Variants in NREP observed in about 807,000 individuals in gnomAD.
The protein encoded by NREP is neuronal regeneration related protein, also known as neuronal regeneration-related protein.
A neutral mutation model predicts 8.6 loss-of-function variants in NREP; 5 were observed. The observed-to-expected ratio is 0.58, with a 90% CI of 0.30 to 1.22. NREP has a LOEUF of 1.22. NREP is among the 50% of genes most tolerant of loss of function. The pLI is 0.07. For missense variants in NREP, 86 were observed against 82.5 expected (o/e 1.04, Z -0.17); for synonymous variants, 27 against 28.0 (o/e 0.96, Z 0.11).
At chr5:111,970,003 T>C (rs1427340470) in intron 2 of NREP, among the ~76,000 whole-genome samples, 1 of 152,224 alleles carries the variant, frequency 6.6e-6, no homozygotes, top group African/African-American at 2.4e-5. Flanking sequence ...GTACAAAATC[T>C]AATAATAGAA....
At chr5:111,879,771 C>G (rs947408286) in intron 2 of NREP, among the ~76,000 whole-genome samples, 1 of 152,184 alleles carries the variant, frequency 6.6e-6, no homozygotes, top group African/African-American at 2.4e-5. Flanking sequence ...GAGTTCCTTC[C>G]TGACTTGCAG....
intron 2 of NREP, among the ~76,000 whole-genome samples, chr5:111,916,746 ATGAGT>A (rs1755070502): frequency 6.6e-6 from 1 of 152,166 alleles, no homozygotes; most frequent in African/African-American, 2.4e-5. Flanking sequence ...TAAGGATTAA[ATGAGT>A]TACTACTTGT....
chr5:111,799,281 A>AT (rs915057140), intron 2 of NREP, among the ~76,000 whole-genome samples: 6 of 151,644 alleles, frequency 4.0e-5, no homozygotes, highest in African/African-American at 1.2e-4. Context: ...TAATTTTAGG[A>AT]TTTTTTTTCT....
chr5:111,834,932 CTACTT>C (rs754218494), intron 2 of NREP, among the ~76,000 whole-genome samples: 1 of 152,144 alleles, frequency 6.6e-6, no homozygotes, highest in Non-Finnish European at 1.5e-5. Context: ...TTACAACTGT[CTACTT>C]TTCTTTGCAC....
chr5:111,873,180 A>T (rs1229531055), intron 2 of NREP, among the ~76,000 whole-genome samples: 1 of 152,190 alleles, frequency 6.6e-6, no homozygotes, highest in African/African-American at 2.4e-5. Context: ...CCATTAAAGG[A>T]TGCTATTATT....
intron 2 of NREP, among the ~76,000 whole-genome samples, chr5:111,826,072 G>T (rs1388462575): frequency 6.6e-6 from 1 of 151,728 alleles, no homozygotes; most frequent in Non-Finnish European, 1.5e-5. Flanking sequence ...TCCTGCTTCA[G>T]TCTCCCAGTG....
chr5:111,745,061 G>C (rs1749917645), intron 2 of NREP, among the ~76,000 whole-genome samples: 1 of 152,042 alleles, frequency 6.6e-6, no homozygotes, highest in South Asian at 2.1e-4. Flanking sequence ...GAAATGCATA[G>C]TACAATCCAC....
At chr5:111,764,709 A>G (rs568429597) in intron 2 of NREP, among the ~76,000 whole-genome samples, 3 of 152,292 alleles carry the variant, frequency 2.0e-5, no homozygotes, top group South Asian at 2.1e-4. Context: ...AAACATAATA[A>G]TAAGGAGGTT....
At chr5:111,877,251 G>T (rs1231676984) in intron 2 of NREP, among the ~76,000 whole-genome samples, 1 of 151,924 alleles carries the variant, frequency 6.6e-6, no homozygotes, top group Non-Finnish European at 1.5e-5. Flanking sequence ...CCCTGTTACC[G>T]CCTGGGTCTC....
chr5:111,779,902 T>C (rs1351689205), intron 2 of NREP, among the ~76,000 whole-genome samples: 1 of 152,108 alleles, frequency 6.6e-6, no homozygotes, highest in Non-Finnish European at 1.5e-5. Flanking sequence ...TTTTTTATTA[T>C]TTTTATTTTT....
intron 2 of NREP, among the ~76,000 whole-genome samples, chr5:111,963,981 TTAA>T (rs1430257001): frequency 9.2e-5 from 14 of 152,176 alleles, no homozygotes; most frequent in Admixed American, 9.2e-4. Flanking sequence ...ATTTTAAAAG[TTAA>T]TAATAATAAT....
At chr5:111,788,386 T>C (rs565364315) in intron 2 of NREP, among the ~76,000 whole-genome samples, 2 of 152,220 alleles carry the variant, frequency 1.3e-5, no homozygotes, top group Non-Finnish European at 2.9e-5. Flanking sequence ...GTGTTTGTAT[T>C]TGTGTGCATA....
chr5:111,866,565 A>G (rs1330263239), intron 2 of NREP, among the ~76,000 whole-genome samples: 6 of 152,200 alleles, frequency 3.9e-5, no homozygotes, highest in African/African-American at 1.2e-4. Flanking sequence ...AACTAGTTCA[A>G]CCATTGTGGA....
chr5:111,887,696 C>A (rs1436126662), intron 2 of NREP, among the ~76,000 whole-genome samples: 2 of 152,174 alleles, frequency 1.3e-5, no homozygotes, highest in Admixed American at 6.5e-5. Context: ...CTGTTCACAT[C>A]CAAATGAAGA....
At chr5:111,961,057 C>G (rs1264486877) in intron 2 of NREP, among the ~76,000 whole-genome samples, 1 of 152,158 alleles carries the variant, frequency 6.6e-6, no homozygotes, top group African/African-American at 2.4e-5. Context: ...AATTACTTTC[C>G]ACTTCCAATG....
intron 2 of NREP, among the ~76,000 whole-genome samples, chr5:111,831,088 A>G (rs1472464084): frequency 6.6e-6 from 1 of 152,130 alleles, no homozygotes; most frequent in Non-Finnish European, 1.5e-5. Flanking sequence ...TGACCTCTAC[A>G]AGCTACAAGT....
At chr5:111,882,797 G>A (rs1156976593) in intron 2 of NREP, among the ~76,000 whole-genome samples, 2 of 152,148 alleles carry the variant, frequency 1.3e-5, no homozygotes, top group South Asian at 4.2e-4. Context: ...GTCACCACCA[G>A]GCCTGCCCTA....
upstream of NREP, chr5:111,757,438 C>T (rs1750797337): frequency 2.0e-6 from 2 of 984,552 alleles, no homozygotes; most frequent in Non-Finnish European, 2.4e-6. Flanking sequence ...CTCTCTCTCT[C>T]CCTTTCCCTC....
intron 3 of NREP, chr5:111,734,980 T>C (rs765326941): frequency 2.5e-6 from 1 of 395,856 alleles, no homozygotes; most frequent in Non-Finnish European, 4.5e-6. Context: ...AAAAATGGTT[T>C]TTAGGCTCAA....
Sources: gnomAD v4.1 joint callset for allele counts (sites outside exome capture counted in the v4.1 genomes callset) on GRCh38, gnomAD v4.1.1 for gene constraint, MANE v1.5 for transcripts, NCBI Gene and HGNC (gene_info 2026-07-23, HGNC 2026-07-21) for gene names.